KIF3A: variants seen among roughly 807,000 people sequenced by gnomAD.
KIF3A encodes kinesin-like protein KIF3A.
In KIF3A, 27 loss-of-function variants were observed where a neutral mutation model predicts 92.6. That is an observed-to-expected ratio of 0.29 (90% CI 0.21 to 0.40). KIF3A has a LOEUF of 0.40. Among genes scored for constraint, KIF3A ranks in the 10% least tolerant of loss-of-function variants. KIF3A has a pLI of 1.00. For synonymous variants in KIF3A, 250 were observed against 275.4 expected (o/e 0.91, Z 0.92); for missense variants, 581 against 872.6 (o/e 0.67, Z 4.21).
intron 15 of KIF3A, 126 bp from the exon 16 acceptor site, chr5:132,700,826 C>A: frequency 3.7e-6 from 2 of 545,464 alleles, no homozygotes; most frequent in Non-Finnish European, 6.5e-6. Flanking sequence ...ACTGATATAA[C>A]CTTTTTATAA....
chr5:132,729,092 C>T (rs745816787), intron 2 of KIF3A, among the ~76,000 whole-genome samples: 4 of 151,982 alleles, frequency 2.6e-5, no homozygotes, highest in Non-Finnish European at 5.9e-5. Flanking sequence ...GGTGCAAAGG[C>T]GTAAGAACGA....
intron 4 of KIF3A, among the ~76,000 whole-genome samples, chr5:132,721,147 G>C (rs2149911367): frequency 6.6e-6 from 1 of 152,230 alleles, no homozygotes; most frequent in East Asian, 1.9e-4. Context: ...GGAGAGAGCA[G>C]GAAACAGGGA....
At chr5:132,731,338 T>C (rs1754222099) in intron 2 of KIF3A, among the ~76,000 whole-genome samples, 1 of 152,136 alleles carries the variant, frequency 6.6e-6, no homozygotes, top group Non-Finnish European at 1.5e-5. Context: ...GTGGCAAAGC[T>C]AGTTTCACAT....
intron 7 of KIF3A, 50 bp from the exon 8 acceptor site, chr5:132,715,981 A>G: frequency 7.9e-7 from 1 of 1,270,398 alleles, no homozygotes; most frequent in Non-Finnish European, 1.1e-6. Context: ...GACAGAGTTA[A>G]AATTAATACT....
At chr5:132,702,861 A>C in intron 13 of KIF3A, 24 bp downstream of exon 13, 1 of 1,605,850 alleles carries the variant, frequency 6.2e-7, no homozygotes, top group South Asian at 1.1e-5. Flanking sequence ...AAAATACCAA[A>C]CTAAAAACAG....
Position 132,720,721 on chromosome 5 carries a change from A to G in KIF3A, c.511-7T>C, listed in dbSNP as rs1753796305. On this transcript the variant is annotated splice_polypyrimidine_tract_variant and splice_region_variant and intron_variant, in intron 4 of 18. Transcript: ENST00000403231. ...CATCAGGTCTTTCTTTAACCTAAAA[A>G]AAAATTAAGACTTTATACTATATCA... The G allele has an allele frequency of 3.3e-6, 5 of 1,511,280 alleles. No individual in the cohort carries two copies. The highest frequency in any genetic ancestry group is 4.6e-6 in the Non-Finnish European group (5 of 1,094,394). The allele number at this position is 1,511,280 out of a possible 1,614,324, so 93.6% of individuals were successfully genotyped here. A position where few individuals can be genotyped will look rare whatever the true frequency, so the allele number is the denominator to read the frequency against.
chr5:132,698,840 C>T (rs1032316697), intron 18 of KIF3A, among the ~76,000 whole-genome samples: 2 of 150,304 alleles, frequency 1.3e-5, no homozygotes, highest in East Asian at 2.0e-4. Flanking sequence ...TGGGTTCAAG[C>T]GATTCTCATG....
chr5:132,688,998 T>C (rs1362379246), downstream of KIF3A, among the ~76,000 whole-genome samples: 1 of 152,320 alleles, frequency 6.6e-6, no homozygotes, highest in East Asian at 1.9e-4. Context: ...TAAACGTGTT[T>C]GGGTGAGACA....
intron 8 of KIF3A, 149 bp from the exon 9 acceptor site, chr5:132,711,206 G>A: frequency 1.5e-6 from 1 of 668,848 alleles, no homozygotes; most frequent in Non-Finnish European, 2.6e-6. Context: ...AAGTATAACA[G>A]ATATGCCAAT....
chr5:132,707,084 G>A (rs1359862379), intron 10 of KIF3A, among the ~76,000 whole-genome samples: 1 of 150,456 alleles, frequency 6.6e-6, no homozygotes, highest in Non-Finnish European at 1.5e-5. Context: ...AATTTTTAAA[G>A]ACACAAGTTC....
intron 5 of KIF3A, among the ~76,000 whole-genome samples, chr5:132,718,098 T>C (rs1292754755): frequency 6.6e-6 from 1 of 152,226 alleles, no homozygotes; most frequent in Non-Finnish European, 1.5e-5. Flanking sequence ...CACTACAATC[T>C]GTCCTTTCAT....
At chr5:132,731,877 A>AT (rs573151499) in intron 2 of KIF3A, among the ~76,000 whole-genome samples, 39 of 152,024 alleles carry the variant, frequency 2.6e-4, no homozygotes, top group African/African-American at 8.9e-4. Flanking sequence ...TGCCTGGCTA[A>AT]TTTTTTTATT....
At chr5:132,692,400 C>G (rs573253246), downstream of KIF3A, 1 of 152,304 alleles carries the variant, frequency 6.6e-6, no homozygotes, top group Admixed American at 6.5e-5. Context: ...CAAACCTTCA[C>G]ATGTACCGCC....
intron 10 of KIF3A, among the ~76,000 whole-genome samples, chr5:132,707,273 C>G (rs1430052732): frequency 6.6e-6 from 1 of 151,888 alleles, no homozygotes; most frequent in East Asian, 1.9e-4. Context: ...ATTAAGGACT[C>G]AAGCAAGAAA....
chr5:132,736,727 G>A (rs1197696848), intron 1 of KIF3A: 1 of 456,202 alleles, frequency 2.2e-6, no homozygotes, highest in Non-Finnish European at 4.5e-6. Flanking sequence ...TAAGGACCCA[G>A]ACAGATTAAA....
intron 18 of KIF3A, among the ~76,000 whole-genome samples, chr5:132,698,234 G>A (rs1752904073): frequency 6.6e-6 from 1 of 152,014 alleles, no homozygotes; most frequent in African/African-American, 2.4e-5. Flanking sequence ...AGGGAAAAAA[G>A]CAGCTTATTA....
At chr5:132,716,214 G>A in intron 7 of KIF3A, 31 bp downstream of exon 7, 1 of 1,514,722 alleles carries the variant, frequency 6.6e-7, no homozygotes, top group Non-Finnish European at 9.1e-7. Context: ...AAATTTGCCT[G>A]ATGTTAACTA....
chr5:132,689,248 C>T (rs1405723992), downstream of KIF3A, among the ~76,000 whole-genome samples: 1 of 152,196 alleles, frequency 6.6e-6, no homozygotes, highest in African/African-American at 2.4e-5. Flanking sequence ...TCCTCCAGCT[C>T]GCTTTAAGTT....
At chr5:132,709,394 T>TAA (rs1753338003) in intron 9 of KIF3A, among the ~76,000 whole-genome samples, 1 of 152,218 alleles carries the variant, frequency 6.6e-6, no homozygotes, top group African/African-American at 2.4e-5. Context: ...ATAGGAGTGA[T>TAA]AAATTACCCT....
Sources: gnomAD v4.1 joint callset for allele counts (sites outside exome capture counted in the v4.1 genomes callset) on GRCh38, gnomAD v4.1.1 for gene constraint, MANE v1.5 for transcripts, NCBI Gene and HGNC (gene_info 2026-07-23, HGNC 2026-07-21) for gene names.